ACSM5: variants seen among roughly 807,000 people sequenced by gnomAD.
ACSM5 encodes the protein acyl-CoA synthetase medium chain family member 5, also known as acyl-coenzyme A synthetase ACSM5, mitochondrial.
Under a neutral mutation model 71.6 loss-of-function variants are expected in ACSM5, and 56 were observed. That is an observed-to-expected ratio of 0.78 (90% CI 0.63 to 0.98). The LOEUF (loss-of-function observed/expected upper bound fraction) is 0.98, where lower values mean the gene tolerates loss of function less well. Ranked by LOEUF, ACSM5 falls within the 50% of genes least tolerant of loss-of-function variation. ACSM5 has a pLI of 0.00. For missense variants in ACSM5, 723 were observed against 726.0 expected (o/e 1.00, Z 0.05); for synonymous variants, 285 against 281.5 (o/e 1.01, Z -0.12).
At chr16:20,428,255 A>C (rs922530310) in intron 7 of ACSM5, among the ~76,000 whole-genome samples, 10 of 152,202 alleles carry the variant, frequency 6.6e-5, no homozygotes, top group East Asian at 1.9e-4. Flanking sequence ...AATGATTGGA[A>C]AATTGTTAGC....
intron 2 of ACSM5, among the ~76,000 whole-genome samples, chr16:20,415,052 G>C (rs1189696308): frequency 6.6e-6 from 1 of 152,192 alleles, no homozygotes; most frequent in Non-Finnish European, 1.5e-5. Flanking sequence ...ACTTATAAGG[G>C]ATAAGCTTGG....
At position 20,437,141 on chromosome 16, in the gene ACSM5, G is replaced by A. The variant is rs1232613098; in HGVS notation, c.1398G>A (p.Trp466Ter). The A allele has an allele frequency of 6.2e-7, 1 of 1,614,184 alleles. No homozygotes were observed. The highest frequency in any genetic ancestry group is 8.5e-7 in the Non-Finnish European group (1 of 1,180,036). Reference sequence around the variant, plus strand: ...GCATGGACAAGGATGGCTACTTTTGGTTCATGGGAAGAAACGACGATGTGA... The same window carrying A: ...GCATGGACAAGGATGGCTACTTTTGATTCATGGGAAGAAACGACGATGTGA... Reference protein sequence around the residue: ...RARMDKDGYFWFMGRNDDVIN... With the variant: ...RARMDKDGYF Residue 466 changes from tryptophan (W) to a stop codon, truncating the protein, a stop_gained, in exon 11 of 14, where the codon TGG becomes TGA. Coordinates refer to ENST00000331849, the MANE Select transcript of ACSM5 (RefSeq NM_017888.3). LOFTEE classifies it high-confidence loss of function.
intron 10 of ACSM5, among the ~76,000 whole-genome samples, chr16:20,431,608 G>A (rs1041884040): frequency 3.9e-5 from 6 of 152,066 alleles, no homozygotes; most frequent in Non-Finnish European, 5.9e-5. Flanking sequence ...CAGCACTGTT[G>A]TTTTAATGAG....
Position 20,411,505 on chromosome 16 carries a change from C to T in ACSM5, c.21C>T (p.His7=), listed in dbSNP as rs966844014. The T allele has an allele frequency of 4.3e-6, 7 of 1,614,088 alleles. No homozygotes were observed. Among genetic ancestry groups the T allele is most frequent in the Non-Finnish European group, 5.9e-6 (7 of 1,179,994 alleles). Residue 7 remains histidine (H), a synonymous_variant, in exon 2 of 14, where the codon CAC becomes CAT. Transcript: ENST00000331849. MRPWLR[H]LVLQALRNSR... Reference sequence around the variant, plus strand: ...ACTGCATGAGACCATGGCTGAGACACCTAGTCCTCCAGGCACTGAGGAACT... The same window carrying T: ...ACTGCATGAGACCATGGCTGAGACATCTAGTCCTCCAGGCACTGAGGAACT...
chr16:20,436,110 T>TTCTTTTTCTTTC (rs1381321896), intron 10 of ACSM5, among the ~76,000 whole-genome samples: 2 of 117,458 alleles, frequency 1.7e-5, no homozygotes, highest in Admixed American at 8.1e-5. Flanking sequence ...CTTTCTTTCT[T>TTCTTTTTCTTTC]TTTCTCTTTC....
chr16:20,426,593 T>G (rs1596618503), intron 6 of ACSM5, among the ~76,000 whole-genome samples: 1 of 152,364 alleles, frequency 6.6e-6, no homozygotes, highest in East Asian at 1.9e-4. Context: ...AAGGACATCT[T>G]GTTGTATGAT....
chr16:20,439,935 T>C lies in ACSM5; in HGVS notation c.1656+16T>C, dbSNP rs190019459. 3 of 1,611,880 alleles carry C rather than the reference T, an allele frequency of 1.9e-6. No homozygotes were observed. The highest frequency in any genetic ancestry group is 1.7e-6 in the Non-Finnish European group (2 of 1,178,440). On this transcript the variant is annotated intron_variant, in intron 13 of 13. Coordinates refer to ENST00000331849, the MANE Select transcript of ACSM5 (RefSeq NM_017888.3). The stretch of plus-strand genomic sequence containing the variant: ...CCCCAGGAAGGTAAATATCAGGGTT[T>C]CCAGGGCACAGTGATCTGGGAATCA...
chr16:20,424,659 A>G (rs1359759287), intron 6 of ACSM5, among the ~76,000 whole-genome samples: 1 of 152,220 alleles, frequency 6.6e-6, no homozygotes, highest in Non-Finnish European at 1.5e-5. Flanking sequence ...CATCAGTCAA[A>G]GAGTCAGACC....
At chr16:20,417,858 T>C (rs984377180) in intron 2 of ACSM5, among the ~76,000 whole-genome samples, 1 of 152,156 alleles carries the variant, frequency 6.6e-6, no homozygotes, top group Non-Finnish European at 1.5e-5. Context: ...ATTGGTTACT[T>C]ATGAGGCAGA....
intron 5 of ACSM5, among the ~76,000 whole-genome samples, chr16:20,423,194 G>T (rs1366744974): frequency 6.6e-6 from 1 of 152,220 alleles, no homozygotes. Flanking sequence ...TTTCTGCACT[G>T]AAGGGGAAGA....
chr16:20,411,637 G>A lies in ACSM5; in HGVS notation c.153G>A (p.Glu51=). Residue 51 remains glutamate, a synonymous_variant, in exon 2 of 14, where the codon GAG becomes GAA. Coordinates refer to ENST00000331849, the MANE Select transcript of ACSM5 (RefSeq NM_017888.3). ...AISLGRQLVP[E]YFNFAHDVLD... ...GCCTGGGAAGGCAGCTGGTGCCTGA[G>A]TACTTCAACTTCGCCCATGATGTGC... The A allele has an allele frequency of 3.1e-6, 5 of 1,614,188 alleles. No homozygotes were observed. The highest frequency in any genetic ancestry group is 1.1e-5 in the South Asian group (1 of 91,078).
chr16:20,431,330 C>G lies in ACSM5; in HGVS notation c.1308+9C>G. On this transcript the variant is annotated intron_variant, in intron 10 of 13. Coordinates refer to ENST00000331849, the MANE Select transcript of ACSM5 (RefSeq NM_017888.3). Reference sequence around the variant, plus strand: ...TCTTCAATTGCTATTTGGTAAGAGACGGGGAACAGCCGTTCTCATGACAGT... The same window carrying G: ...TCTTCAATTGCTATTTGGTAAGAGAGGGGGAACAGCCGTTCTCATGACAGT... 1.2e-6 allele frequency: 2 copies of G among 1,606,362 alleles called. No homozygotes were observed. The highest frequency in any genetic ancestry group is 1.7e-6 in the Non-Finnish European group (2 of 1,172,878).
chr16:20,439,025 G>A (rs1967263066), intron 12 of ACSM5, among the ~76,000 whole-genome samples: 1 of 146,994 alleles, frequency 6.8e-6, no homozygotes, highest in Non-Finnish European at 1.5e-5. Context: ...GTAAGAGGAA[G>A]CTCTTTCTAA....
intron 6 of ACSM5, among the ~76,000 whole-genome samples, 174 bp from the exon 7 acceptor site, chr16:20,427,614 G>T (rs1297023765): frequency 6.6e-6 from 1 of 152,224 alleles, no homozygotes; most frequent in Non-Finnish European, 1.5e-5. Flanking sequence ...ATCCTCCAAA[G>T]GTGCACATGC....
At chr16:20,434,026 G>C (rs12600235) in intron 10 of ACSM5, among the ~76,000 whole-genome samples, 13,091 of 152,036 alleles carry the variant, frequency 0.086, 683 homozygotes, top group East Asian at 0.19. Flanking sequence ...TTTGTTTTAA[G>C]AGTTGCTAAC....
Position 20,421,264 on chromosome 16 carries a change from T to A in ACSM5, c.630T>A (p.Ala210=), listed in dbSNP as rs778875895. The A allele has an allele frequency of 2.1e-5, 34 of 1,586,810 alleles. No homozygotes were observed. The highest frequency in any genetic ancestry group is 3.3e-4 in the Middle Eastern group (2 of 5,992). ...GTGTATTTACGTTTTACAGGGAGGC[T>A]TCTACAGAGCACAACTGCATGAGGA... ...WLNFRELLRE[A]STEHNCMRTK... is the part of the protein sequence containing the mutation. Residue 210 remains alanine, a synonymous_variant, in exon 5 of 14, where the codon GCT becomes GCA. Transcript: ENST00000331849.
At chr16:20,412,695 T>A (rs1396082113) in intron 2 of ACSM5, among the ~76,000 whole-genome samples, 1 of 152,192 alleles carries the variant, frequency 6.6e-6, no homozygotes, top group African/African-American at 2.4e-5. Flanking sequence ...TACGGACAAA[T>A]GTTTAACTTC....
rs1967250407 is a variant in ACSM5, at chr16:20,438,590, T to C, written c.1537-1210T>C. On this transcript the variant is annotated intron_variant, in intron 12 of 13. Transcript: ENST00000331849. The stretch of plus-strand genomic sequence containing the variant: ...CTGCATGCCGTGAGTTAACTGGGAC[T>C]GTGACAAATGGCTGTGTGCTCAAAC... 1.3e-5 allele frequency among the ~76,000 whole-genome samples: 2 copies of C among 151,788 alleles called. 1 individual carries two copies. Among genetic ancestry groups the C allele is most frequent in the Admixed American group, 1.3e-4 (2 of 15,218 alleles).
intron 7 of ACSM5, among the ~76,000 whole-genome samples, chr16:20,428,787 A>G (rs1259871361): frequency 6.6e-6 from 1 of 152,144 alleles, no homozygotes; most frequent in Non-Finnish European, 1.5e-5. Flanking sequence ...CTCTTTGGTA[A>G]TAATAAGTAA....
Sources: gnomAD v4.1 joint callset for allele counts (sites outside exome capture counted in the v4.1 genomes callset) on GRCh38, gnomAD v4.1.1 for gene constraint, MANE v1.5 for transcripts, NCBI Gene and HGNC (gene_info 2026-07-23, HGNC 2026-07-21) for gene names.